Variants in PCDHGA2 observed in about 807,000 individuals in gnomAD.
PCDHGA2 encodes protocadherin gamma-A2.
A neutral mutation model predicts 59.2 loss-of-function variants in PCDHGA2; 40 were observed. That is an observed-to-expected ratio of 0.68 (90% confidence interval 0.52 to 0.88). PCDHGA2 has a LOEUF of 0.88. Among genes scored for constraint, PCDHGA2 ranks in the 40% least tolerant of loss-of-function variants. The pLI is 0.00. For missense variants in PCDHGA2, 1,226 were observed against 1,204.0 expected, an observed-to-expected ratio of 1.02 and a Z score of -0.27; for synonymous variants, 560 against 526.0, an observed-to-expected ratio of 1.06 and a Z score of -0.89.
At chr5:141,509,625 G>T (rs915049847) in intron 3 of PCDHGA2, among the ~76,000 whole-genome samples, 1 of 152,186 alleles carries the variant, frequency 6.6e-6, no homozygotes, top group Non-Finnish European at 1.5e-5. Flanking sequence ...AAGTTCCTGG[G>T]TGATGCTGAG....
intron 1 of PCDHGA2, among the ~76,000 whole-genome samples, chr5:141,465,205 G>A (rs1460694369): frequency 6.6e-6 from 1 of 151,892 alleles, no homozygotes; most frequent in Admixed American, 6.6e-5. Flanking sequence ...AAAAATATAA[G>A]CTTTATTTTT....
intron 1 of PCDHGA2, chr5:141,390,022 T>A (rs1206102918): frequency 2.5e-6 from 4 of 1,613,928 alleles, no homozygotes; most frequent in Non-Finnish European, 3.4e-6. Context: ...GCCTTGCGCC[T>A]GCGACGCTCC....
intron 1 of PCDHGA2, among the ~76,000 whole-genome samples, chr5:141,469,232 A>AC (rs1350524557): frequency 2.0e-5 from 3 of 151,722 alleles, no homozygotes; most frequent in Non-Finnish European, 4.4e-5. Flanking sequence ...AGCCATGATC[A>AC]CCCCACTGCA....
chr5:141,421,383 C>A lies in PCDHGA2; in HGVS notation c.2425-73424C>A, dbSNP rs754951142. The A allele has an allele frequency of 2.5e-6, 4 of 1,614,034 alleles. 1 individual carries two copies. The highest frequency in any genetic ancestry group is 8.5e-7 in the Non-Finnish European group (1 of 1,179,910). On this transcript the variant is annotated intron_variant, in intron 1 of 3. Transcript: ENST00000394576. ...CCTTCGTGGGCAATATCTCCAAGGA[C>A]CTGGGGCTGGAGCCCCGGGAGCTGG...
chr5:141,489,101 T>A lies in PCDHGA2; in HGVS notation c.2425-5706T>A. 2 of 398,380 alleles carry A rather than the reference T, an allele frequency of 5.0e-6. No individual in the cohort carries two copies. Among genetic ancestry groups the A allele is most frequent in the Non-Finnish European group, 9.0e-6 (2 of 223,310 alleles). The allele number at this position is 398,380 out of a possible 1,614,324, so 24.7% of individuals were successfully genotyped here. ...CCGCCACTCGGTGACTAAGAACTGC[T>A]GCAAGCAGGCAAACCTCCGAGCAGT... On this transcript the variant is annotated intron_variant, in intron 1 of 3. Coordinates refer to ENST00000394576, the MANE Select transcript of PCDHGA2 (RefSeq NM_018915.4). This position sits in a 1 kb window ranked among gnomAD's most constrained non-coding sequence, Gnocchi z 4.5.
chr5:141,430,404 A>C (rs1054341813), intron 1 of PCDHGA2, among the ~76,000 whole-genome samples: 1 of 152,000 alleles, frequency 6.6e-6, no homozygotes, highest in African/African-American at 2.4e-5. Context: ...AAAGCTCACT[A>C]AAGTTTCTAT....
Position 141,431,420 on chromosome 5 carries a change from G to C in PCDHGA2, c.2425-63387G>C, listed in dbSNP as rs780266425. The C allele has an allele frequency of 8.1e-6, 13 of 1,613,592 alleles. No individual in the cohort carries two copies. Among genetic ancestry groups the C allele is most frequent in the East Asian group, 2.2e-5 (1 of 44,902 alleles). ...TACGGCCTCCGACGGGGGCGACCCG[G>C]TGCGCACAGGCACCGCGCGCATCCG... is the stretch of plus-strand genomic sequence containing the variant. On this transcript the variant is annotated intron_variant, in intron 1 of 3. Transcript: ENST00000394576. This position sits in a 1 kb window ranked among gnomAD's most constrained non-coding sequence, Gnocchi z 4.8.
Position 141,415,748 on chromosome 5 carries a change from T to G in PCDHGA2, c.2424+74353T>G, listed in dbSNP as rs1345423849. On this transcript the variant is annotated intron_variant, in intron 1 of 3. Transcript: ENST00000394576. ...ATTTGATGTTTATTAAGGTTTTTTT[T>G]TTTTTTTTTTTTTTTTTTTTTTTTA... is the stretch of plus-strand genomic sequence containing the variant. 87 of 1,008,904 alleles carry G rather than the reference T, an allele frequency of 8.6e-5. No individual in the cohort carries two copies. The Middle Eastern group carries it at 1.2e-3, about 13-fold the overall frequency. 62.5% of individuals were successfully genotyped at this position (1,008,904 alleles called of 1,614,324 possible).
At chr5:141,367,381 C>CA (rs1372529981) in intron 1 of PCDHGA2, 2 of 151,950 alleles carry the variant, frequency 1.3e-5, no homozygotes, top group Non-Finnish European at 2.9e-5. Flanking sequence ...ACTAAAAATA[C>CA]AAAAAATTAG....
intron 1 of PCDHGA2, chr5:141,384,091 A>G: frequency 3.1e-6 from 5 of 1,595,856 alleles, no homozygotes; most frequent in South Asian, 1.1e-5. Flanking sequence ...AGAAAAATCA[A>G]TAGATAATTA....
chr5:141,347,464 T>A (rs1179547636), intron 1 of PCDHGA2, among the ~76,000 whole-genome samples: 1 of 152,014 alleles, frequency 6.6e-6, no homozygotes, highest in African/African-American at 2.4e-5. Context: ...CTGTTATTCT[T>A]TTCATCTCAA....
Position 141,431,732 on chromosome 5 carries a change from G to C in PCDHGA2, c.2425-63075G>C. 1 of 1,614,238 alleles carries C rather than the reference G, an allele frequency of 6.2e-7. No individual in the cohort carries two copies. Among genetic ancestry groups the C allele is most frequent in the Non-Finnish European group, 8.5e-7 (1 of 1,180,046 alleles). On this transcript the variant is annotated intron_variant, in intron 1 of 3. Coordinates refer to ENST00000394576, the MANE Select transcript of PCDHGA2 (RefSeq NM_018915.4). The surrounding 1 kb of genome is among the most constrained non-coding windows in gnomAD (Gnocchi z 4.8). ...GATGGAAGTGCAAGCAATGGATAAT[G>C]CAGGATATTCTGCGCGAGCCAAAGT...
intron 1 of PCDHGA2, chr5:141,388,381 C>T (rs370363580): frequency 1.9e-6 from 3 of 1,613,888 alleles, no homozygotes; most frequent in African/African-American, 2.7e-5. Flanking sequence ...GGTAGCAACA[C>T]ACTGCAGAAT....
At position 141,341,517 on chromosome 5, in the gene PCDHGA2, A is replaced by T. The variant is rs1588451555; in HGVS notation, c.2424+122A>T. ...GGGTAGAGTCAAGTTTTAGGAAGTG[A>T]GTCTTGGTGAATTATTTCTTGGTAG... On this transcript the variant is annotated intron_variant, in intron 1 of 3. Coordinates refer to ENST00000394576, the MANE Select transcript of PCDHGA2 (RefSeq NM_018915.4). 3 of 1,518,362 alleles carry T rather than the reference A, an allele frequency of 2.0e-6. No individual in the cohort carries two copies. In the East Asian group the frequency reaches 6.8e-5, roughly 35 times the overall value. The allele number at this position is 1,518,362 out of a possible 1,614,324, so 94.1% of individuals were successfully genotyped here.
chr5:141,446,775 T>C (rs1175892018), intron 1 of PCDHGA2, among the ~76,000 whole-genome samples: 2 of 152,188 alleles, frequency 1.3e-5, no homozygotes, highest in Admixed American at 6.5e-5. Context: ...CCGGTTACCA[T>C]TCTTTTACTC....
At chr5:141,410,995 T>A in intron 1 of PCDHGA2, 1 of 174,388 alleles carries the variant, frequency 5.7e-6, no homozygotes, top group South Asian at 1.4e-4. Flanking sequence ...CTGGGATTAC[T>A]GGTGCCCCTC....
At chr5:141,386,308 A>G (rs1057447717) in intron 1 of PCDHGA2, among the ~76,000 whole-genome samples, 5 of 152,236 alleles carry the variant, frequency 3.3e-5, no homozygotes, top group African/African-American at 4.8e-5. Flanking sequence ...AAAGCTCAGT[A>G]TATCAAGTGA....
chr5:141,429,510 T>A (rs2097220128), intron 1 of PCDHGA2, among the ~76,000 whole-genome samples: 1 of 152,124 alleles, frequency 6.6e-6, no homozygotes, highest in African/African-American at 2.4e-5. Context: ...AAACTGTGCC[T>A]GGCAGAGAAA....
At chr5:141,361,453 C>T (rs758759325) in intron 1 of PCDHGA2, 1 of 1,613,928 alleles carries the variant, frequency 6.2e-7, no homozygotes, top group East Asian at 2.2e-5. Context: ...AATTGTCACC[C>T]TGCACATCTC....
Sources: gnomAD v4.1 joint callset for allele counts (sites outside exome capture counted in the v4.1 genomes callset) on GRCh38, gnomAD v4.1.1 for gene constraint, Gnocchi (gnomAD v3.1) non-coding constraint, MANE v1.5 for transcripts, NCBI Gene and HGNC (gene_info 2026-07-23, HGNC 2026-07-21) for gene names.